The following TAL1 variants were observed in gnomAD, a reference collection of about 807,000 sequenced individuals.
The protein encoded by TAL1 is T-cell acute lymphocytic leukemia protein 1.
Under a neutral mutation model 17.9 loss-of-function variants are expected in TAL1, and 8 were observed. That is an observed-to-expected ratio of 0.45 (90% CI 0.26 to 0.81). TAL1 has a LOEUF of 0.81. Ranked by LOEUF, TAL1 falls within the 30% of genes least tolerant of loss-of-function variation. The pLI is 0.17. For missense variants in TAL1, 466 were observed against 486.9 expected, an observed-to-expected ratio of 0.96 and a Z score of 0.40; for synonymous variants, 223 against 218.6, an observed-to-expected ratio of 1.02 and a Z score of -0.18.
At chr1:47,220,025 G>C in exon 4 of TAL1, 1 of 1,613,624 alleles carries the variant, frequency 6.2e-7, no homozygotes, top group Non-Finnish European at 8.5e-7. Flanking sequence ...TTCATGGCCA[G>C]GCGGAGGATC....
chr1:47,229,513 GC>G (rs1643970616), exon 1 of TAL1: 1 of 175,372 alleles, frequency 5.7e-6, no homozygotes, highest in Non-Finnish European at 1.2e-5. Flanking sequence ...CCCCCAACCT[GC>G]AGGTGTTTGG....
exon 4 of TAL1, chr1:47,217,972 A>G: frequency 2.6e-6 from 1 of 389,950 alleles, no homozygotes; most frequent in Non-Finnish European, 4.5e-6. Flanking sequence ...TGTTGCCCCA[A>G]GCTCGAGAAT....
At chr1:47,219,479 C>T (rs1364535816) in exon 4 of TAL1, 15 of 701,022 alleles carry the variant, frequency 2.1e-5, no homozygotes, top group Non-Finnish European at 3.6e-5. Context: ...GAGGGAAGAC[C>T]GTGCCGTCTT....
exon 4 of TAL1, chr1:47,216,437 C>T (rs772568195): frequency 2.6e-5 from 6 of 229,010 alleles, no homozygotes; most frequent in Admixed American, 1.1e-4. Flanking sequence ...GTACCTGGAG[C>T]GGTTACTCCT....
At chr1:47,226,036 G>A in intron 1 of TAL1, 147 bp from the exon 3 acceptor site, 1 of 809,542 alleles carries the variant, frequency 1.2e-6, no homozygotes, top group Non-Finnish European at 1.8e-6. Flanking sequence ...AGCGCCACGT[G>A]GGGCTAGGGC....
At chr1:47,219,918 C>G in exon 4 of TAL1, 1 of 1,498,918 alleles carries the variant, frequency 6.7e-7, no homozygotes, top group Non-Finnish European at 8.9e-7. Context: ...CACCTCCACC[C>G]CCACCAGCCC....
chr1:47,219,264 TG>T, exon 4 of TAL1: 1 of 451,006 alleles, frequency 2.2e-6, no homozygotes, highest in South Asian at 2.0e-5. Flanking sequence ...GGGCAGCTAT[TG>T]GGTACCTATA....
exon 4 of TAL1, chr1:47,217,424 G>A: frequency 5.0e-6 from 2 of 397,308 alleles, no homozygotes; most frequent in Non-Finnish European, 4.4e-6. Flanking sequence ...TAGATAATCT[G>A]GAGAAATGAG....
chr1:47,222,080 C>T (rs1304304040), intron 3 of TAL1, among the ~76,000 whole-genome samples: 2 of 152,248 alleles, frequency 1.3e-5, no homozygotes, highest in African/African-American at 2.4e-5. Flanking sequence ...TTACTTGCTG[C>T]TTTCAGGCCT....
chr1:47,232,221 G>C (rs1004215115), upstream of TAL1: 3 of 180,528 alleles, frequency 1.7e-5, no homozygotes, highest in African/African-American at 7.1e-5. Flanking sequence ...GTCCTGAGCG[G>C]CGGCGGCCCG....
At chr1:47,217,217 C>CA (rs36017365) in exon 4 of TAL1, 93,666 of 238,828 alleles carry the variant, frequency 0.39, 14,214 homozygotes, top group Non-Finnish European at 0.48. Flanking sequence ...CCATCTCTAC[C>CA]AAAAAAAAAA....
At chr1:47,219,978 C>G (rs148755768) in exon 4 of TAL1, 2 of 1,593,098 alleles carry the variant, frequency 1.3e-6, no homozygotes, top group Non-Finnish European at 1.7e-6. Flanking sequence ...CCTCCTCCTC[C>G]TGGTCATTGA....
exon 4 of TAL1, chr1:47,217,430 A>G (rs1413166618): frequency 2.5e-6 from 1 of 397,614 alleles, no homozygotes; most frequent in African/African-American, 2.1e-5. Context: ...ATCTGGAGAA[A>G]TGAGGACAAT....
chr1:47,225,818 G>A, exon 2 of TAL1: 2 of 1,580,464 alleles, frequency 1.3e-6, no homozygotes, highest in Non-Finnish European at 1.7e-6. Context: ...GGCCATGCTG[G>A]CCTCGGCCGC....
chr1:47,225,709 C>A, exon 2 of TAL1: 2 of 1,459,618 alleles, frequency 1.4e-6, no homozygotes, highest in Non-Finnish European at 1.8e-6. Context: ...GGCCGCCCCC[C>A]GGGCCTCCGC....
chr1:47,222,057 G>A (rs1156377578), intron 3 of TAL1, among the ~76,000 whole-genome samples: 1 of 152,244 alleles, frequency 6.6e-6, no homozygotes, highest in Non-Finnish European at 1.5e-5. Flanking sequence ...ACCCTGGGCG[G>A]CCTCTGAGGA....
chr1:47,220,165 G>T (rs1645591579), exon 4 of TAL1: 1 of 1,563,344 alleles, frequency 6.4e-7, no homozygotes, highest in Non-Finnish European at 8.7e-7. Flanking sequence ...CACAACTTTG[G>T]TGTGGGGACC....
exon 4 of TAL1, chr1:47,216,852 T>C (rs1645505257): frequency 4.3e-6 from 1 of 231,830 alleles, no homozygotes; most frequent in African/African-American, 2.2e-5. Flanking sequence ...ATTCTTGGAA[T>C]GTTGCCAGTT....
exon 4 of TAL1, chr1:47,217,871 G>A (rs1042635264): frequency 5.3e-5 from 21 of 397,476 alleles, no homozygotes; most frequent in African/African-American, 8.2e-5. Context: ...TCTTCCAAAC[G>A]TTGGAAAGGA....
Sources: gnomAD v4.1 joint callset for allele counts (sites outside exome capture counted in the v4.1 genomes callset) on GRCh38, gnomAD v4.1.1 for gene constraint, MANE v1.5 for transcripts, NCBI Gene and HGNC (gene_info 2026-07-23, HGNC 2026-07-21) for gene names.